Variants in FOXN3 observed in about 807,000 individuals in gnomAD.
FOXN3 encodes the protein forkhead box N3.
In FOXN3, 7 loss-of-function variants were observed where a neutral mutation model predicts 38.4. The observed-to-expected ratio is 0.18, with a 90% CI of 0.10 to 0.34. FOXN3 has a LOEUF of 0.34. FOXN3 is among the 10% of genes least tolerant of loss of function. FOXN3 has a pLI of 1.00. For missense variants in FOXN3, 456 were observed against 613.4 expected, an observed-to-expected ratio of 0.74 and a Z score of 2.71; for synonymous variants, 230 against 242.2, an observed-to-expected ratio of 0.95 and a Z score of 0.47.
chr14:89,561,982 G>T (rs1395381520), intron 1 of FOXN3, among the ~76,000 whole-genome samples: 1 of 152,148 alleles, frequency 6.6e-6, no homozygotes, highest in African/African-American at 2.4e-5. Context: ...GAAGAGAAAA[G>T]AAATATATTA....
chr14:89,589,598 G>A (rs890110407), intron 1 of FOXN3, among the ~76,000 whole-genome samples: 62 of 151,978 alleles, frequency 4.1e-4, no homozygotes, highest in Admixed American at 3.7e-3. Context: ...AGTTGCGGCC[G>A]CACCATGCAG....
At chr14:89,321,183 C>T (rs559544536) in intron 3 of FOXN3, among the ~76,000 whole-genome samples, 35 of 152,098 alleles carry the variant, frequency 2.3e-4, no homozygotes, top group African/African-American at 7.7e-4. Flanking sequence ...CCCACCTACT[C>T]GGGAGGCTGA....
At chr14:89,340,655 T>C (rs1307777912) in intron 3 of FOXN3, among the ~76,000 whole-genome samples, 1 of 152,104 alleles carries the variant, frequency 6.6e-6, no homozygotes, top group African/African-American at 2.4e-5. Flanking sequence ...CCATGGAGAT[T>C]TATGCAAAGG....
At position 89,492,437 on chromosome 14, in the gene FOXN3, T is replaced by A. The variant is rs1893599111; in HGVS notation, c.-14-79947A>T. On this transcript the variant is annotated intron_variant, in intron 1 of 6. Transcript: ENST00000345097. Reference sequence around the variant, plus strand: ...CCTCTGAGAATGGAGCTGCCTTCGGTATGAGCCACCATTAAAAAGTTTCCC... The same window carrying A: ...CCTCTGAGAATGGAGCTGCCTTCGGAATGAGCCACCATTAAAAAGTTTCCC... Among the ~76,000 whole-genome samples the A allele has an allele frequency of 2.0e-5, 3 of 148,848 alleles. No homozygotes were observed. In the South Asian group the frequency reaches 6.5e-4, roughly 32 times the overall value.
At chr14:89,352,015 C>T (rs1217227784) in intron 2 of FOXN3, among the ~76,000 whole-genome samples, 1 of 152,206 alleles carries the variant, frequency 6.6e-6, no homozygotes, top group Non-Finnish European at 1.5e-5. Context: ...TTATCAACAA[C>T]ATCAGCAAGC....
chr14:89,539,363 T>C (rs1215224048), intron 1 of FOXN3, among the ~76,000 whole-genome samples: 2 of 152,226 alleles, frequency 1.3e-5, no homozygotes, highest in Non-Finnish European at 2.9e-5. Context: ...GTTTGTTTTT[T>C]AGGAGCTTGC....
intron 1 of FOXN3, among the ~76,000 whole-genome samples, chr14:89,482,462 A>C (rs1395405466): frequency 6.6e-6 from 1 of 152,106 alleles, no homozygotes; most frequent in Non-Finnish European, 1.5e-5. Context: ...CTCTACATAA[A>C]ATTTTAAAAA....
intron 1 of FOXN3, among the ~76,000 whole-genome samples, chr14:89,448,746 C>A (rs1375079101): frequency 6.6e-6 from 1 of 151,868 alleles, no homozygotes; most frequent in Non-Finnish European, 1.5e-5. Flanking sequence ...CAAGACCAGC[C>A]TGGGCAACAT....
intron 4 of FOXN3, among the ~76,000 whole-genome samples, chr14:89,181,435 A>C (rs1209999091): frequency 6.6e-6 from 1 of 152,160 alleles, no homozygotes; most frequent in Non-Finnish European, 1.5e-5. Context: ...GACCCAAATT[A>C]TCTCTCGTAA....
At chr14:89,355,013 GA>G (rs1216655729) in intron 2 of FOXN3, 2 of 150,194 alleles carry the variant, frequency 1.3e-5, no homozygotes, top group Admixed American at 1.3e-4. Context: ...AACACCCCCA[GA>G]AAAAAAACTG....
intron 1 of FOXN3, among the ~76,000 whole-genome samples, chr14:89,508,660 G>A (rs1254680736): frequency 6.6e-6 from 1 of 152,190 alleles, no homozygotes; most frequent in Non-Finnish European, 1.5e-5. Context: ...CAGGGCTTCT[G>A]ATGCCCAAAG....
chr14:89,160,748 T>C lies in FOXN3; in HGVS notation c.*1666A>G, dbSNP rs1317637199. On this transcript the variant is annotated 3_prime_UTR_variant, in exon 6 of 6. Coordinates refer to ENST00000557258, the MANE Select transcript of FOXN3 (RefSeq NM_005197.4). ...GAAGTGCACACAAGGCAGTACAGAG[T>C]TCAACCATCCAAGCCCTACCAGAGC... The C allele has an allele frequency of 6.7e-6, 1 of 148,478 alleles. No homozygotes were observed. The highest frequency in any genetic ancestry group is 1.5e-5 in the Non-Finnish European group (1 of 66,954). The allele number at this position is 148,478 out of a possible 1,614,324, so 9.2% of individuals were successfully genotyped here.
intron 1 of FOXN3, among the ~76,000 whole-genome samples, chr14:89,594,933 G>A (rs1401499650): frequency 2.0e-5 from 3 of 152,044 alleles, no homozygotes; most frequent in Admixed American, 6.6e-5. Flanking sequence ...TTTAGAATTG[G>A]CTTCTCAATT....
intron 4 of FOXN3, among the ~76,000 whole-genome samples, chr14:89,275,526 C>T (rs1222612553): frequency 6.6e-6 from 1 of 152,174 alleles, no homozygotes; most frequent in Non-Finnish European, 1.5e-5. Flanking sequence ...AACCCAGGTC[C>T]CTTGACTCAT....
At chr14:89,295,566 A>G (rs897275807) in intron 3 of FOXN3, among the ~76,000 whole-genome samples, 5 of 151,928 alleles carry the variant, frequency 3.3e-5, no homozygotes, top group Admixed American at 3.3e-4. Flanking sequence ...GAATTATCTC[A>G]AACACTAAGG....
At chr14:89,245,088 A>G (rs1885251715) in intron 4 of FOXN3, among the ~76,000 whole-genome samples, 1 of 152,240 alleles carries the variant, frequency 6.6e-6, no homozygotes, top group Non-Finnish European at 1.5e-5. Flanking sequence ...TAGATGAGAA[A>G]GTGAAGCTTC....
At chr14:89,614,431 T>C (rs1456948689) in intron 1 of FOXN3, among the ~76,000 whole-genome samples, 5 of 152,176 alleles carry the variant, frequency 3.3e-5, no homozygotes. Context: ...TTCATGCTTG[T>C]GGTCAGTCAT....
chr14:89,185,020 T>C (rs1163435696), intron 4 of FOXN3, among the ~76,000 whole-genome samples: 1 of 152,240 alleles, frequency 6.6e-6, no homozygotes, highest in African/African-American at 2.4e-5. Flanking sequence ...CAAAGCTCTC[T>C]TGCAGCATTA....
chr14:89,464,858 C>T (rs780904632), intron 1 of FOXN3, among the ~76,000 whole-genome samples: 6 of 152,020 alleles, frequency 3.9e-5, no homozygotes, highest in South Asian at 2.1e-4. Flanking sequence ...CCACCACGCC[C>T]GGCTAATTTT....
Sources: allele counts gnomAD v4.1 joint callset (sites outside exome capture counted in the v4.1 genomes callset), GRCh38; gene constraint gnomAD v4.1.1; transcripts MANE v1.5; gene names NCBI Gene and HGNC (gene_info 2026-07-23, HGNC 2026-07-21).